The following ME1 variants were observed in gnomAD, a reference collection of about 807,000 sequenced individuals.
ME1 encodes malic enzyme 1.
ME1 carries 74 observed loss-of-function variants against 66.4 expected under a neutral mutation model. The ratio of observed to expected loss-of-function variants is 1.11; its 90% CI spans 0.92 to 1.35. The LOEUF (loss-of-function observed/expected upper bound fraction) is 1.35, where lower values mean the gene tolerates loss of function less well. ME1 is among the 40% of genes most tolerant of loss of function. The pLI, the probability that ME1 is intolerant of heterozygous loss-of-function variation, is 0.00. For missense variants in ME1, 750 were observed against 694.1 expected (o/e 1.08, Z -0.90); for synonymous variants, 251 against 235.6 (o/e 1.07, Z -0.60).
intron 1 of ME1, among the ~76,000 whole-genome samples, chr6:83,416,783 C>A (rs1440938437): frequency 6.6e-6 from 1 of 151,452 alleles, no homozygotes; most frequent in East Asian, 1.9e-4. Flanking sequence ...GTAGTCCCAG[C>A]TACTTGGGAG....
chr6:83,248,691 CACT>C (rs1329157936), intron 7 of ME1, among the ~76,000 whole-genome samples: 1 of 152,144 alleles, frequency 6.6e-6, no homozygotes, highest in Non-Finnish European at 1.5e-5. Context: ...GTTCTTCCTT[CACT>C]CATCTCTCTC....
chr6:83,235,759 A>G lies in ME1; in HGVS notation c.1026+1958T>C, dbSNP rs1306094101. ...AGTGCTGGGATTATAGGCGTGAGCCACCACGCACAGCCAGCAATAGCAATT... is the reference window on the plus strand; with the variant it reads ...AGTGCTGGGATTATAGGCGTGAGCCGCCACGCACAGCCAGCAATAGCAATT... On this transcript the variant is annotated intron_variant, in intron 9 of 13. Transcript: ENST00000369705. Among the ~76,000 whole-genome samples, 3 of 152,210 alleles carry G rather than the reference A, an allele frequency of 2.0e-5. No individual in the cohort carries two copies. In the East Asian group the frequency reaches 5.8e-4, roughly 29 times the overall value.
At chr6:83,413,214 T>C (rs1294914889) in intron 1 of ME1, among the ~76,000 whole-genome samples, 1 of 152,178 alleles carries the variant, frequency 6.6e-6, no homozygotes, top group African/African-American at 2.4e-5. Context: ...TTTCACCATG[T>C]TGCTCCAGAC....
chr6:83,344,901 A>C (rs564543210), intron 5 of ME1, among the ~76,000 whole-genome samples: 5 of 151,776 alleles, frequency 3.3e-5, no homozygotes, highest in Non-Finnish European at 7.4e-5. Flanking sequence ...AAATAAAATA[A>C]AATAATAATA....
At chr6:83,385,762 C>T (rs1769492721) in intron 3 of ME1, among the ~76,000 whole-genome samples, 3 of 151,794 alleles carry the variant, frequency 2.0e-5, no homozygotes, top group Admixed American at 2.0e-4. Flanking sequence ...TACTTCTGGG[C>T]ACTCACTGAA....
At chr6:83,395,472 A>C (rs1040252359) in intron 3 of ME1, among the ~76,000 whole-genome samples, 1 of 150,620 alleles carries the variant, frequency 6.6e-6, no homozygotes, top group Non-Finnish European at 1.5e-5. Flanking sequence ...TATTATCTTA[A>C]ATCTTTTCTT....
At chr6:83,377,189 A>G (rs908499222) in intron 3 of ME1, among the ~76,000 whole-genome samples, 2 of 152,236 alleles carry the variant, frequency 1.3e-5, no homozygotes, top group African/African-American at 4.8e-5. Context: ...TCAGAAATTT[A>G]AAAAGTGATG....
intron 6 of ME1, among the ~76,000 whole-genome samples, chr6:83,270,897 T>A (rs1230304548): frequency 1.3e-5 from 2 of 151,864 alleles, no homozygotes; most frequent in Admixed American, 6.6e-5. Flanking sequence ...TGTTCCACAC[T>A]AATAAATAAC....
rs528386490 is a variant in ME1, at chr6:83,324,083, G to A, written c.601-8670C>T. On this transcript the variant is annotated intron_variant, in intron 5 of 13. Transcript: ENST00000369705. ...GAAACTGAACAACCTGCTCCTGAAC[G>A]ACTACTGGGTAAGTAATGAAATTAA... Among the ~76,000 whole-genome samples, 9 of 152,156 alleles carry A rather than the reference G, an allele frequency of 5.9e-5. No homozygotes were observed. In the South Asian group the frequency reaches 1.2e-3, roughly 21 times the overall value.
intron 6 of ME1, among the ~76,000 whole-genome samples, chr6:83,307,875 A>G (rs990527800): frequency 6.6e-6 from 1 of 152,166 alleles, no homozygotes; most frequent in African/African-American, 2.4e-5. Context: ...GATGATATTA[A>G]TAATTAAAGA....
chr6:83,301,831 CTT>C (rs1416731424), intron 6 of ME1, among the ~76,000 whole-genome samples: 1 of 152,102 alleles, frequency 6.6e-6, no homozygotes, highest in Non-Finnish European at 1.5e-5. Context: ...AAAGGAAACA[CTT>C]ATACACTGCT....
intron 13 of ME1, 119 bp from the exon 14 acceptor site, chr6:83,212,213 G>A (rs535453113): frequency 1.0e-5 from 6 of 599,190 alleles, no homozygotes; most frequent in Non-Finnish European, 1.6e-5. Flanking sequence ...AAAACATTAA[G>A]TGTATTATAA....
In ME1 at chr6:83,363,722, T is replaced by C. The variant is rs144716084; in HGVS notation, c.363-11583A>G. ...TTGTCATGGGTATTTCCTCCTTCTT[T>C]TGTTAAAAACATGTTTGTGTATTTA... On this transcript the variant is annotated intron_variant, in intron 3 of 13. Coordinates refer to ENST00000369705, the MANE Select transcript of ME1 (RefSeq NM_002395.6). Among the ~76,000 whole-genome samples, 849 of 152,358 alleles carry C rather than the reference T, an allele frequency of 5.6e-3. 8 individuals carry two copies. Among genetic ancestry groups the C allele is most frequent in the African/African-American group, 0.019 (803 of 41,580 alleles).
chr6:83,233,661 A>G (rs1467227618), intron 9 of ME1, among the ~76,000 whole-genome samples: 1 of 151,914 alleles, frequency 6.6e-6, no homozygotes, highest in East Asian at 1.9e-4. Context: ...CACCAAGAAA[A>G]TTTTTTATTT....
intron 4 of ME1, among the ~76,000 whole-genome samples, chr6:83,349,958 AAAGGT>A (rs1768765915): frequency 2.6e-5 from 4 of 152,160 alleles, no homozygotes; most frequent in Non-Finnish European, 5.9e-5. Context: ...TCTAACTATC[AAAGGT>A]TGGATTTAAG....
chr6:83,314,551 CTTTG>C (rs1407085547), intron 6 of ME1, among the ~76,000 whole-genome samples: 2 of 152,208 alleles, frequency 1.3e-5, no homozygotes, highest in South Asian at 2.1e-4. Flanking sequence ...TGTACATAAA[CTTTG>C]TTTTACACAC....
At chr6:83,400,225 T>C (rs6900022) in intron 2 of ME1, among the ~76,000 whole-genome samples, 1 of 151,790 alleles carries the variant, frequency 6.6e-6, no homozygotes, top group African/African-American at 2.4e-5. Context: ...ATCATGGGGG[T>C]GGATCCCTCA....
At chr6:83,284,873 T>C (rs150161245) in intron 6 of ME1, among the ~76,000 whole-genome samples, 4 of 152,064 alleles carry the variant, frequency 2.6e-5, no homozygotes, top group African/African-American at 9.7e-5. Flanking sequence ...TAAAAAGAAA[T>C]AAAAGGCATC....
chr6:83,375,284 G>A (rs888705378), intron 3 of ME1, among the ~76,000 whole-genome samples: 17 of 152,116 alleles, frequency 1.1e-4, no homozygotes, highest in African/African-American at 3.9e-4. Flanking sequence ...GCAGTGGTTT[G>A]TAGTTCTCCT....
Sources: allele counts gnomAD v4.1 joint callset (sites outside exome capture counted in the v4.1 genomes callset), GRCh38; gene constraint gnomAD v4.1.1; transcripts MANE v1.5; gene names NCBI Gene and HGNC (gene_info 2026-07-23, HGNC 2026-07-21).